The following CRH variants were observed in gnomAD, a reference collection of about 807,000 sequenced individuals.
The protein encoded by CRH is corticotropin releasing hormone.
A neutral mutation model predicts 11.1 loss-of-function variants in CRH; 6 were observed. That is an observed-to-expected ratio of 0.54 (90% CI 0.30 to 1.07). The LOEUF is 1.07. CRH is among the 50% of genes least tolerant of loss of function. CRH has a pLI of 0.07. For missense variants in CRH, 289 were observed against 269.4 expected, an observed-to-expected ratio of 1.07 and a Z score of -0.51; for synonymous variants, 155 against 132.0, an observed-to-expected ratio of 1.17 and a Z score of -1.19.
At position 66,177,361 on chromosome 8, in the gene CRH, C is replaced by T; in HGVS notation, c.117G>A (p.Gln39=). ...GPVPGARQAP[Q]HPQPLDFFQP... ...GGAAGAAATCCAAGGGCTGAGGGTG[C>T]TGCGGCGCCTGCCGAGCTCCCGGGA... is the stretch of plus-strand genomic sequence containing the variant. The change falls in exon 2 of 2, where the codon CAG becomes CAA. Residue 39 remains glutamine, a synonymous_variant. Transcript: ENST00000276571. 1.9e-6 allele frequency: 3 copies of T among 1,544,328 alleles called. No homozygotes were observed. Among genetic ancestry groups the T allele is most frequent in the South Asian group, 2.4e-5 (2 of 84,278 alleles).
chr8:66,177,113 GGCA>G lies in CRH; in HGVS notation c.362_364del (p.Leu121del). ...CGCGGGGCTGTCGAGCGAGCGCCGA[GGCA>G]GCAGCAGCTGCTGCAGCAACACGCG... On this transcript the variant is annotated inframe_deletion, in exon 2 of 2. Coordinates refer to ENST00000276571, the MANE Select transcript of CRH (RefSeq NM_000756.4). 2 of 1,569,896 alleles carry G rather than the reference GGCA, an allele frequency of 1.3e-6. No homozygotes were observed. The highest frequency in any genetic ancestry group is 1.7e-6 in the Non-Finnish European group (2 of 1,156,292).
Position 66,176,831 on chromosome 8 carries a change from T to A in CRH, c.*56A>T. ...CAGCGCTATGGTACAGAATACTGTA[T>A]TTTTTTAAATTTTTTTTGTGCTAAA... On this transcript the variant is annotated 3_prime_UTR_variant, in exon 2 of 2. Transcript: ENST00000276571. The A allele has an allele frequency of 6.5e-7, 1 of 1,529,136 alleles. No homozygotes were observed. Among genetic ancestry groups the A allele is most frequent in the Non-Finnish European group, 8.8e-7 (1 of 1,140,304 alleles). 94.7% of individuals were successfully genotyped at this position (1,529,136 alleles called of 1,614,324 possible).
intron 1 of CRH, among the ~76,000 whole-genome samples, chr8:66,177,788 G>A (rs577289277): frequency 1.3e-5 from 2 of 152,150 alleles, no homozygotes; most frequent in Non-Finnish European, 1.5e-5. Flanking sequence ...TCTTCCTAAC[G>A]ATCCTCAAAA....
In CRH at chr8:66,176,787, T is replaced by G; in HGVS notation, c.*100A>C. The G allele has an allele frequency of 1.4e-6, 2 of 1,397,752 alleles. No homozygotes were observed. The highest frequency in any genetic ancestry group is 1.6e-5 in the South Asian group (1 of 61,774). The allele number at this position is 1,397,752 out of a possible 1,614,324, so 86.6% of individuals were successfully genotyped here. A position where few individuals can be genotyped will look rare whatever the true frequency, so the allele number is the denominator to read the frequency against. ...CTCTATGTTTCAAGCTATATAAAAATAAACAAATGGCATAAGAGCAGCGCT... is the reference window on the plus strand; with the variant it reads ...CTCTATGTTTCAAGCTATATAAAAAGAAACAAATGGCATAAGAGCAGCGCT... On this transcript the variant is annotated 3_prime_UTR_variant, in exon 2 of 2. Transcript: ENST00000276571.
At position 66,176,971 on chromosome 8, in the gene CRH, C is replaced by G. The variant is rs28364016; in HGVS notation, c.507G>C (p.Arg169=). 6.2e-7 allele frequency: 1 copy of G among 1,614,154 alleles called. No individual in the cohort carries two copies. The highest frequency in any genetic ancestry group is 8.5e-7 in the Non-Finnish European group (1 of 1,180,026). The change falls in exon 2 of 2, where the codon CGG becomes CGC. Residue 169 remains arginine (R), a synonymous_variant. Transcript: ENST00000276571. ...ISLDLTFHLL[R]EVLEMARAEQ... ...CGGCCCTGGCCATTTCCAAGACTTC[C>G]CGGAGGAGGTGGAAGGTGAGATCCA...
Position 66,176,946 on chromosome 8 carries a change from C to T in CRH, c.532G>A (p.Glu178Lys), listed in dbSNP as rs767889647. ...LREVLEMARAEQLAQQAHSNR... is the reference protein window; with the variant it reads ...LREVLEMARAKQLAQQAHSNR... ...CTGTGAGCTTGCTGTGCTAACTGCT[C>T]GGCCCTGGCCATTTCCAAGACTTCC... Residue 178 changes from glutamate (E) to lysine (K), a missense_variant, in exon 2 of 2, where the codon GAG (glutamate) becomes AAG (lysine). Physicochemically the swap from Glu to Lys is moderately conservative, Grantham distance 56. Around this residue, in one of 2 missense-constraint regions of CRH, gnomAD observed 28 missense variants for 50.5 expected, o/e 0.55. Coordinates refer to ENST00000276571, the MANE Select transcript of CRH (RefSeq NM_000756.4). 5 of 1,613,972 alleles carry T rather than the reference C, an allele frequency of 3.1e-6. No individual in the cohort carries two copies. The highest frequency in any genetic ancestry group is 1.1e-5 in the South Asian group (1 of 91,044).
rs1337561058 is a variant in CRH at position 66,178,408 on chromosome 8, T to C, written c.-130A>G. On this transcript the variant is annotated 5_prime_UTR_variant, in exon 1 of 2. Transcript: ENST00000276571. ...CTCTTTACTGTTCCCACTCTCTTTTTCTTTCTCTCCTCTCTTTCCCCTCAG... is the reference window on the plus strand; with the variant it reads ...CTCTTTACTGTTCCCACTCTCTTTTCCTTTCTCTCCTCTCTTTCCCCTCAG... The C allele has an allele frequency of 6.6e-6, 1 of 152,278 alleles. No individual in the cohort carries two copies. Among genetic ancestry groups the C allele is most frequent in the Admixed American group, 6.5e-5 (1 of 15,278 alleles). The allele number at this position is 152,278 out of a possible 1,614,324, so 9.4% of individuals were successfully genotyped here.
At position 66,176,838 on chromosome 8, in the gene CRH, A is replaced by T. The variant is rs554410141; in HGVS notation, c.*49T>A. ...ATGGTACAGAATACTGTATTTTTTT[A>T]AATTTTTTTTGTGCTAAATGCAGAT... On this transcript the variant is annotated 3_prime_UTR_variant, in exon 2 of 2. Coordinates refer to ENST00000276571, the MANE Select transcript of CRH (RefSeq NM_000756.4). 27 of 1,534,860 alleles carry T rather than the reference A, an allele frequency of 1.8e-5. No individual in the cohort carries two copies. In the African/African-American group the frequency reaches 1.8e-4, roughly 10 times the overall value.
Position 66,177,496 on chromosome 8 carries a change from G to T in CRH, c.-14-5C>A, listed in dbSNP as rs1409725667. 4 of 1,526,682 alleles carry T rather than the reference G, an allele frequency of 2.6e-6. No individual in the cohort carries two copies. The highest frequency in any genetic ancestry group is 2.4e-5 in the South Asian group (2 of 82,312). The allele number at this position is 1,526,682 out of a possible 1,614,324, so 94.6% of individuals were successfully genotyped here. A position where few individuals can be genotyped will look rare whatever the true frequency, so the allele number is the denominator to read the frequency against. ...GCCGCATGTTAGGGGCACTCGCTGC[G>T]GCACAGAGGTGGGCGGAGGGCGGAA... On this transcript the variant is annotated splice_polypyrimidine_tract_variant and splice_region_variant and intron_variant, in intron 1 of 1. Transcript: ENST00000276571.
chr8:66,176,700 T>C lies in CRH; in HGVS notation c.*187A>G. On this transcript the variant is annotated 3_prime_UTR_variant, in exon 2 of 2. Transcript: ENST00000276571. The stretch of plus-strand genomic sequence containing the variant: ...GACAAAACGAATAACATTGTGTTGC[T>C]GCTGCACGTGAATACACTTTGTGCA... 1.7e-6 allele frequency: 1 copy of C among 598,640 alleles called. No homozygotes were observed. Among genetic ancestry groups the C allele is most frequent in the Non-Finnish European group, 2.6e-6 (1 of 390,424 alleles). 37.1% of individuals were successfully genotyped at this position (598,640 alleles called of 1,614,324 possible).
At position 66,176,736 on chromosome 8, in the gene CRH, G is replaced by T; in HGVS notation, c.*151C>A. 1 of 900,592 alleles carries T rather than the reference G, an allele frequency of 1.1e-6. No homozygotes were observed. Among genetic ancestry groups the T allele is most frequent in the Non-Finnish European group, 1.6e-6 (1 of 642,812 alleles). 55.8% of individuals were successfully genotyped at this position (900,592 alleles called of 1,614,324 possible). ...AATACACTTTGTGCATGCTAAGTAA[G>T]GGGTATAGGCTCTCTCCCTCTCTCC... is the stretch of plus-strand genomic sequence containing the variant. On this transcript the variant is annotated 3_prime_UTR_variant, in exon 2 of 2. Transcript: ENST00000276571.
rs3832590 is a variant in CRH at position 66,177,332 on chromosome 8, G to GGCT, written c.143_145dup (p.Gln48dup). ...CTGGGGCTGCTCGGACTGCGGCGGC[G>GGCT]GCTGGAAGAAATCCAAGGGCTGAGG... On this transcript the variant is annotated inframe_insertion, in exon 2 of 2. Transcript: ENST00000276571. 4 of 1,553,954 alleles carry GGCT rather than the reference G, an allele frequency of 2.6e-6. No individual in the cohort carries two copies. Among genetic ancestry groups the GGCT allele is most frequent in the African/African-American group, 1.4e-5 (1 of 73,534 alleles).
Position 66,176,753 on chromosome 8 carries a change from C to G in CRH, c.*134G>C. The stretch of plus-strand genomic sequence containing the variant: ...CTAAGTAAGGGGTATAGGCTCTCTC[C>G]CTCTCTCCCTCTATGTTTCAAGCTA... On this transcript the variant is annotated 3_prime_UTR_variant, in exon 2 of 2. Coordinates refer to ENST00000276571, the MANE Select transcript of CRH (RefSeq NM_000756.4). The G allele has an allele frequency of 6.2e-6, 7 of 1,128,522 alleles. No homozygotes were observed. The highest frequency in any genetic ancestry group is 8.4e-6 in the Non-Finnish European group (7 of 832,710). The allele number at this position is 1,128,522 out of a possible 1,614,324, so 69.9% of individuals were successfully genotyped here. A position where few individuals can be genotyped will look rare whatever the true frequency, so the allele number is the denominator to read the frequency against.
chr8:66,176,746 C>G lies in CRH; in HGVS notation c.*141G>C. 9 of 1,033,920 alleles carry G rather than the reference C, an allele frequency of 8.7e-6. No homozygotes were observed. The highest frequency in any genetic ancestry group is 1.2e-5 in the Non-Finnish European group (9 of 747,748). The allele number at this position is 1,033,920 out of a possible 1,614,324, so 64.0% of individuals were successfully genotyped here. ...GTGCATGCTAAGTAAGGGGTATAGGCTCTCTCCCTCTCTCCCTCTATGTTT... is the reference window on the plus strand; with the variant it reads ...GTGCATGCTAAGTAAGGGGTATAGGGTCTCTCCCTCTCTCCCTCTATGTTT... On this transcript the variant is annotated 3_prime_UTR_variant, in exon 2 of 2. Coordinates refer to ENST00000276571, the MANE Select transcript of CRH (RefSeq NM_000756.4).
At chr8:66,177,542 A>T in intron 1 of CRH, 51 bp from the exon 2 acceptor site, 1 of 1,493,702 alleles carries the variant, frequency 6.7e-7, no homozygotes, top group South Asian at 1.3e-5. Context: ...GAAGAGAGAA[A>T]GAAAGAGTTG....
chr8:66,177,518 G>T (rs757875397), intron 1 of CRH, 27 bp from the exon 2 acceptor site: 40 of 1,513,396 alleles, frequency 2.6e-5, no homozygotes, highest in Non-Finnish European at 3.3e-5. Flanking sequence ...GGCGGAGGGC[G>T]GAATGAGAGA....
At position 66,177,510 on chromosome 8, in the gene CRH, C is replaced by G. The variant is rs958063020; in HGVS notation, c.-14-19G>C. On this transcript the variant is annotated intron_variant, in intron 1 of 1. Coordinates refer to ENST00000276571, the MANE Select transcript of CRH (RefSeq NM_000756.4). ...GCACTCGCTGCGGCACAGAGGTGGGCGGAGGGCGGAATGAGAGAGGGGAAG... is the reference window on the plus strand; with the variant it reads ...GCACTCGCTGCGGCACAGAGGTGGGGGGAGGGCGGAATGAGAGAGGGGAAG... The G allele has an allele frequency of 1.2e-5, 18 of 1,517,120 alleles. No individual in the cohort carries two copies. Among genetic ancestry groups the G allele is most frequent in the East Asian group, 4.9e-5 (2 of 40,508 alleles). The allele number at this position is 1,517,120 out of a possible 1,614,324, so 94.0% of individuals were successfully genotyped here.
rs1411557146 is a variant in CRH, at chr8:66,177,356, G to A, written c.122C>T (p.Pro41Leu). The A allele has an allele frequency of 1.3e-6, 2 of 1,547,584 alleles. No individual in the cohort carries two copies. The highest frequency in any genetic ancestry group is 1.7e-6 in the Non-Finnish European group (2 of 1,151,044). Residue 41 changes from proline to leucine, a missense_variant, in exon 2 of 2, where the codon CCT becomes CTT. By Grantham distance (98) the Pro-to-Leu change is moderately conservative. Coordinates refer to ENST00000276571, the MANE Select transcript of CRH (RefSeq NM_000756.4). Reference sequence around the variant, plus strand: ...CGGCTGGAAGAAATCCAAGGGCTGAGGGTGCTGCGGCGCCTGCCGAGCTCC... The same window carrying A: ...CGGCTGGAAGAAATCCAAGGGCTGAAGGTGCTGCGGCGCCTGCCGAGCTCC... The part of the protein sequence containing the change: ...VPGARQAPQH[P>L]QPLDFFQPPP...
At position 66,177,450 on chromosome 8, in the gene CRH, C is replaced by A; in HGVS notation, c.28G>T (p.Gly10Ter). ...GGCAGGAGAGCCACCAGCAGGACTC[C>A]CGCGGACACAAGCAGCGGCAGCCGC... MRLPLLVSA[G>*]VLLVALLPCP... Residue 10 changes from glycine (G) to a stop codon, truncating the protein, a stop_gained, in exon 2 of 2, where the codon GGA becomes TGA. Coordinates refer to ENST00000276571, the MANE Select transcript of CRH (RefSeq NM_000756.4). LOFTEE classifies it high-confidence loss of function. 6.5e-7 allele frequency: 1 copy of A among 1,537,976 alleles called. No homozygotes were observed. The highest frequency in any genetic ancestry group is 1.4e-5 in the African/African-American group (1 of 72,686).
Sources: gnomAD v4.1 joint callset for allele counts (sites outside exome capture counted in the v4.1 genomes callset) on GRCh38, gnomAD v4.1.1 for gene constraint, gnomAD v4.1.1 regional missense constraint, MANE v1.5 for transcripts, NCBI Gene and HGNC (gene_info 2026-07-23, HGNC 2026-07-21) for gene names.